EYA1: variants seen among roughly 807,000 people sequenced by gnomAD.
EYA1 encodes protein phosphatase EYA1.
In EYA1, 16 loss-of-function variants were observed where a neutral mutation model predicts 82.0. The observed-to-expected ratio is 0.20, with a 90% CI of 0.13 to 0.30. The LOEUF (loss-of-function observed/expected upper bound fraction) is 0.30, where lower values mean the gene tolerates loss of function less well. Among genes scored for constraint, EYA1 ranks in the 10% least tolerant of loss-of-function variants. EYA1 has a pLI of 1.00. For synonymous variants in EYA1, 261 were observed against 264.4 expected (o/e 0.99, Z 0.12); for missense variants, 633 against 730.7 (o/e 0.87, Z 1.54).
chr8:71,477,544 AT>A (rs112348107), intron 2 of EYA1, among the ~76,000 whole-genome samples: 10 of 150,418 alleles, frequency 6.6e-5, no homozygotes, highest in East Asian at 2.0e-4. Context: ...GGATGACTAA[AT>A]TTTTTTTTTC....
intron 3 of EYA1, among the ~76,000 whole-genome samples, chr8:71,334,593 G>A (rs960192708): frequency 2.6e-5 from 4 of 152,026 alleles, no homozygotes; most frequent in Admixed American, 1.3e-4. Flanking sequence ...AGTGGGTGTC[G>A]ACACCAGCAG....
intron 2 of EYA1, among the ~76,000 whole-genome samples, chr8:71,534,891 A>C (rs1453182242): frequency 7.2e-6 from 1 of 138,460 alleles, no homozygotes; most frequent in Non-Finnish European, 1.5e-5. Context: ...AATATTAAAA[A>C]AGAAATGAAA....
chr8:71,418,566 A>G (rs1830977111), intron 2 of EYA1, among the ~76,000 whole-genome samples: 1 of 152,202 alleles, frequency 6.6e-6, no homozygotes, highest in South Asian at 2.1e-4. Flanking sequence ...CCTTCCACAC[A>G]CACACACAAC....
chr8:71,514,148 A>C (rs1176826642), intron 2 of EYA1, among the ~76,000 whole-genome samples: 1 of 152,144 alleles, frequency 6.6e-6, no homozygotes, highest in Non-Finnish European at 1.5e-5. Context: ...ATGTATATAC[A>C]CAGCACTGGA....
At chr8:71,526,739 AC>A (rs1264713549) in intron 2 of EYA1, among the ~76,000 whole-genome samples, 3 of 152,098 alleles carry the variant, frequency 2.0e-5, no homozygotes, top group Non-Finnish European at 4.4e-5. Context: ...GGCCTTTGTG[AC>A]CTAGTGTCCA....
rs1210803573 is a variant in EYA1 at position 71,294,495 on chromosome 8, A to G, written c.826+4552T>C. Among the ~76,000 whole-genome samples the G allele has an allele frequency of 2.6e-5, 4 of 152,214 alleles. No individual in the cohort carries two copies. The East Asian group carries it at 7.7e-4, about 29-fold the overall frequency. On this transcript the variant is annotated intron_variant, in intron 9 of 17. Transcript: ENST00000340726. ...ACAAAAAAAACACACCATTATTTCC[A>G]TCAATACTAGAGAGGGAAAGAGAGA... is the stretch of plus-strand genomic sequence containing the variant.
chr8:71,325,714 TAACTAC>T (rs1290597491), intron 4 of EYA1, among the ~76,000 whole-genome samples: 3 of 152,338 alleles, frequency 2.0e-5, no homozygotes, highest in Admixed American at 6.5e-5. Context: ...TGCTGTCTTA[TAACTAC>T]TCACCTAGTT....
intron 12 of EYA1, among the ~76,000 whole-genome samples, chr8:71,238,737 A>G (rs909405651): frequency 3.9e-5 from 6 of 152,054 alleles, no homozygotes; most frequent in African/African-American, 1.4e-4. Flanking sequence ...CTACATATCA[A>G]ATTATCTACA....
At chr8:71,354,535 A>T (rs1826647840) in intron 3 of EYA1, among the ~76,000 whole-genome samples, 1 of 152,250 alleles carries the variant, frequency 6.6e-6, no homozygotes, top group African/African-American at 2.4e-5. Flanking sequence ...ACAAATATGT[A>T]TAATATACAT....
intron 7 of EYA1, among the ~76,000 whole-genome samples, chr8:71,306,929 C>T (rs1820795801): frequency 6.6e-6 from 1 of 152,206 alleles, no homozygotes; most frequent in African/African-American, 2.4e-5. Flanking sequence ...GATGGATAAA[C>T]CATGTCTGAC....
chr8:71,357,738 T>C (rs1005372329), intron 1 of EYA1, among the ~76,000 whole-genome samples: 4 of 152,240 alleles, frequency 2.6e-5, no homozygotes, highest in Non-Finnish European at 5.9e-5. Context: ...CCAACTGTCT[T>C]GGTATAATGT....
intron 2 of EYA1, among the ~76,000 whole-genome samples, chr8:71,495,971 G>A (rs1209384652): frequency 2.0e-5 from 3 of 152,130 alleles, no homozygotes; most frequent in Non-Finnish European, 4.4e-5. Flanking sequence ...TTTTGCAAAA[G>A]GTTGGAAGTG....
intron 2 of EYA1, among the ~76,000 whole-genome samples, chr8:71,508,223 A>G (rs1029373477): frequency 6.6e-6 from 1 of 152,300 alleles, no homozygotes; most frequent in Non-Finnish European, 1.5e-5. Flanking sequence ...CTTCAGTCAT[A>G]CTATGTAAGT....
chr8:71,294,797 A>G (rs536967477), intron 9 of EYA1, among the ~76,000 whole-genome samples: 2 of 152,290 alleles, frequency 1.3e-5, no homozygotes, highest in Non-Finnish European at 2.9e-5. Flanking sequence ...GCTGAAGGAG[A>G]AGAAAAAAGT....
chr8:71,376,663 G>A (rs1828391844), intron 2 of EYA1, among the ~76,000 whole-genome samples: 1 of 152,086 alleles, frequency 6.6e-6, no homozygotes, highest in African/African-American at 2.4e-5. Context: ...TTGAATGTGG[G>A]TTTCAGGCAA....
At chr8:71,209,839 A>G (rs1330007217) in intron 17 of EYA1, among the ~76,000 whole-genome samples, 1 of 152,234 alleles carries the variant, frequency 6.6e-6, no homozygotes, top group Non-Finnish European at 1.5e-5. Context: ...TTTACAGAGT[A>G]CAACTATGAC....
intron 1 of EYA1, among the ~76,000 whole-genome samples, chr8:71,537,651 G>A (rs1373851946): frequency 5.3e-5 from 8 of 152,134 alleles, no homozygotes; most frequent in Non-Finnish European, 1.2e-4. Flanking sequence ...AAGGGAGCAG[G>A]TCTAAGACAA....
intron 2 of EYA1, among the ~76,000 whole-genome samples, chr8:71,523,468 G>A (rs1813595025): frequency 6.6e-6 from 1 of 152,048 alleles, no homozygotes; most frequent in Admixed American, 6.5e-5. Flanking sequence ...GTGACCTACC[G>A]CGCCCGGCCA....
chr8:71,393,322 T>C (rs1294694228), intron 2 of EYA1, among the ~76,000 whole-genome samples: 1 of 152,090 alleles, frequency 6.6e-6, no homozygotes, highest in Non-Finnish European at 1.5e-5. Flanking sequence ...ATACTTTAAG[T>C]TCTAGGGTAC....
Sources: gnomAD v4.1 joint callset for allele counts (sites outside exome capture counted in the v4.1 genomes callset) on GRCh38, gnomAD v4.1.1 for gene constraint, MANE v1.5 for transcripts, NCBI Gene and HGNC (gene_info 2026-07-23, HGNC 2026-07-21) for gene names.